The following HACL2 variants were observed in gnomAD, a reference collection of about 807,000 sequenced individuals.
HACL2 encodes 2-hydroxyacyl-CoA lyase 1 like.
the HACL2 span, chr19:15,123,855 G>T: frequency 3.9e-6 from 2 of 506,552 alleles, no homozygotes; most frequent in Non-Finnish European, 7.1e-6. The surrounding 1 kb of genome is among the most constrained non-coding windows in gnomAD (Gnocchi z 5.1). Flanking sequence ...GCTCTTAAGT[G>T]CCCCACTGTT....
chr19:15,125,752 C>T, the HACL2 span: 3 of 152,408 alleles, frequency 2.0e-5, no homozygotes, highest in African/African-American at 7.2e-5. Context: ...GCCCACTTGG[C>T]TCAGCGGCGC....
At chr19:15,115,371 C>T in the HACL2 span, 9 of 1,614,002 alleles carry the variant, frequency 5.6e-6, no homozygotes, top group East Asian at 4.5e-5. Context: ...ACCTGATCCT[C>T]GTTCTCCCGT....
chr19:15,125,157 G>A, the HACL2 span: 2 of 1,294,996 alleles, frequency 1.5e-6, no homozygotes, highest in Admixed American at 2.8e-5. Flanking sequence ...CAGGATCCAG[G>A]GCCACGACCC....
the HACL2 span, chr19:15,115,790 C>G: frequency 6.3e-7 from 1 of 1,585,658 alleles, no homozygotes; most frequent in Non-Finnish European, 8.7e-7. Flanking sequence ...CCTCAGCCCA[C>G]CCCTGGTGAC....
chr19:15,116,104 C>G, the HACL2 span: 1 of 1,613,252 alleles, frequency 6.2e-7, no homozygotes. Context: ...GGTGTGAAGG[C>G]GTCCTGATGG....
chr19:15,123,721 ATAC>A, the HACL2 span: 3 of 648,064 alleles, frequency 4.6e-6, no homozygotes, highest in Non-Finnish European at 8.0e-6. The surrounding 1 kb of genome is among the most constrained non-coding windows in gnomAD (Gnocchi z 5.1). Context: ...GGCATATATT[ATAC>A]TACATGCCAG....
At chr19:15,118,844 C>T in the HACL2 span, among the ~76,000 whole-genome samples, 1 of 152,224 alleles carries the variant, frequency 6.6e-6, no homozygotes, top group African/African-American at 2.4e-5. Flanking sequence ...CAGCCTGGAT[C>T]AGCACAGCTG....
chr19:15,123,505 G>A, the HACL2 span: 1 of 1,614,196 alleles, frequency 6.2e-7, no homozygotes, highest in Non-Finnish European at 8.5e-7. The surrounding 1 kb of genome is among the most constrained non-coding windows in gnomAD (Gnocchi z 5.1). Flanking sequence ...GCGTGAAGAT[G>A]AACCGCACAC....
At chr19:15,116,753 G>A in the HACL2 span, 1 of 543,298 alleles carries the variant, frequency 1.8e-6, no homozygotes, top group African/African-American at 1.9e-5. Flanking sequence ...AAGGGTTAAG[G>A]AGCACAAGGC....
At chr19:15,124,987 G>C in the HACL2 span, 1 of 1,603,488 alleles carries the variant, frequency 6.2e-7, no homozygotes, top group South Asian at 1.1e-5. Flanking sequence ...GCGGCCACCA[G>C]CGTCCCGCAG....
At chr19:15,115,226 A>G in the HACL2 span, 1 of 1,613,604 alleles carries the variant, frequency 6.2e-7, no homozygotes, top group Non-Finnish European at 8.5e-7. Flanking sequence ...GCAGGAAGGC[A>G]GCCAAGCGTC....
At chr19:15,123,619 G>A in the HACL2 span, 4 of 1,574,174 alleles carry the variant, frequency 2.5e-6, no homozygotes, top group Non-Finnish European at 8.6e-7. This position sits in a 1 kb window ranked among gnomAD's most constrained non-coding sequence, Gnocchi z 5.1. Flanking sequence ...AAAGGCCAGG[G>A]CAGAGGGCAG....
the HACL2 span, chr19:15,116,506 G>A: frequency 8.1e-6 from 13 of 1,613,466 alleles, no homozygotes; most frequent in African/African-American, 1.3e-5. Flanking sequence ...ACTTCAGCAC[G>A]AAGGAACCCA....
At chr19:15,115,521 C>T in the HACL2 span, 1 of 1,601,878 alleles carries the variant, frequency 6.2e-7, no homozygotes. Flanking sequence ...CCAGCTGGGA[C>T]TGAAACAGCC....
chr19:15,119,778 T>G, the HACL2 span, among the ~76,000 whole-genome samples: 1 of 152,110 alleles, frequency 6.6e-6, no homozygotes, highest in South Asian at 2.1e-4. Flanking sequence ...CTTGAACTCC[T>G]GGCCTCAAGT....
chr19:15,115,783 C>A, the HACL2 span: 2 of 1,581,236 alleles, frequency 1.3e-6, no homozygotes, highest in Non-Finnish European at 1.7e-6. Flanking sequence ...CTCCCCACCT[C>A]AGCCCACCCC....
the HACL2 span, chr19:15,122,879 A>G: frequency 6.2e-7 from 1 of 1,611,898 alleles, no homozygotes; most frequent in Non-Finnish European, 8.5e-7. This position sits in a 1 kb window ranked among gnomAD's most constrained non-coding sequence, Gnocchi z 4.0. Context: ...CAGCATCACC[A>G]TCCTCCACCT....
chr19:15,116,349 G>A, the HACL2 span: 3 of 1,613,876 alleles, frequency 1.9e-6, no homozygotes, highest in Non-Finnish European at 2.5e-6. Context: ...AGGTCACCAG[G>A]GTTGGCAGCA....
chr19:15,119,533 G>T, the HACL2 span: 1 of 1,597,484 alleles, frequency 6.3e-7, no homozygotes, highest in Non-Finnish European at 8.6e-7. Context: ...GAGAGGTGGG[G>T]ATCAAAGGGC....
Sources: gnomAD v4.1 joint callset for allele counts (sites outside exome capture counted in the v4.1 genomes callset) on GRCh38, gnomAD v4.1.1 for gene constraint, Gnocchi (gnomAD v3.1) non-coding constraint, MANE v1.5 for transcripts, NCBI Gene and HGNC (gene_info 2026-07-23, HGNC 2026-07-21) for gene names.